Variants in MSRB3 observed in about 807,000 individuals in gnomAD.
MSRB3 encodes methionine-R-sulfoxide reductase B3.
MSRB3 carries 13 observed loss-of-function variants against 21.0 expected under a neutral mutation model. The observed-to-expected ratio is 0.62, with a 90% CI of 0.40 to 0.98. The LOEUF (loss-of-function observed/expected upper bound fraction) is 0.98. MSRB3 is among the 50% of genes least tolerant of loss of function. MSRB3 has a pLI of 0.00. For synonymous variants in MSRB3, 87 were observed against 88.6 expected, an observed-to-expected ratio of 0.98 and a Z score of 0.10; for missense variants, 199 against 230.3, an observed-to-expected ratio of 0.86 and a Z score of 0.88.
At position 65,463,241 on chromosome 12, in the gene MSRB3, T is replaced by TA. The variant is rs748562731; in HGVS notation, c.478dup (p.Thr160AsnfsTer5). The TA allele has an allele frequency of 6.2e-7, 1 of 1,614,208 alleles. No homozygotes were observed. Among genetic ancestry groups the TA allele is most frequent in the East Asian group, 2.2e-5 (1 of 44,882 alleles). On this transcript the variant is annotated frameshift_variant, in exon 7 of 7. Transcript: ENST00000308259. LOFTEE classifies it low-confidence loss of function (END_TRUNC). ...GCATAAATTCGGCTGCCTTGTCTTT[T>TA]ACACCTGCGGATAGCAGTGGCACCG...
intron 2 of MSRB3, among the ~76,000 whole-genome samples, chr12:65,310,244 A>G (rs1480351653): frequency 6.6e-6 from 1 of 152,144 alleles, no homozygotes; most frequent in Non-Finnish European, 1.5e-5. Flanking sequence ...ATCCCCCTGC[A>G]CTGCCACCAT....
At chr12:65,441,071 A>G (rs118062735) in intron 5 of MSRB3, among the ~76,000 whole-genome samples, 2,243 of 151,994 alleles carry the variant, frequency 0.015, 58 homozygotes, top group Non-Finnish European at 0.016. Context: ...GGTCCGGTGG[A>G]CACATTAAAT....
At chr12:65,396,845 A>G (rs901066492) in intron 5 of MSRB3, among the ~76,000 whole-genome samples, 3 of 152,178 alleles carry the variant, frequency 2.0e-5, no homozygotes, top group African/African-American at 7.2e-5. Context: ...CTGTCGTTGG[A>G]TAAAGTAGTC....
chr12:65,418,217 C>T (rs1824301271), intron 5 of MSRB3, among the ~76,000 whole-genome samples: 1 of 152,128 alleles, frequency 6.6e-6, no homozygotes. Flanking sequence ...TGATTCTCCT[C>T]CCTCAGCCTC....
chr12:65,341,116 T>G (rs1876110229), intron 4 of MSRB3, among the ~76,000 whole-genome samples: 1 of 152,114 alleles, frequency 6.6e-6, no homozygotes, highest in Non-Finnish European at 1.5e-5. Context: ...TCACATTTTA[T>G]TGCAGCACTG....
intron 1 of MSRB3, among the ~76,000 whole-genome samples, chr12:65,303,396 T>C (rs7309009): frequency 0.026 from 3,968 of 152,198 alleles, 184 homozygotes; most frequent in African/African-American, 0.091. Flanking sequence ...GAAGTAGAGA[T>C]TTTTGACCAA....
In MSRB3 at chr12:65,463,427, G is replaced by A. The variant is rs1436060490; in HGVS notation, c.*105G>A. The stretch of plus-strand genomic sequence containing the variant: ...TATTTTTTCAAAAACTATAAGGGCA[G>A]TTTTGTGCTATTGATATTTTTTCTT... On this transcript the variant is annotated 3_prime_UTR_variant, in exon 7 of 7. Transcript: ENST00000308259. 1.5e-6 allele frequency: 2 copies of A among 1,353,404 alleles called. No homozygotes were observed. The highest frequency in any genetic ancestry group is 2.0e-6 in the Non-Finnish European group (2 of 987,954). 83.8% of individuals were successfully genotyped at this position (1,353,404 alleles called of 1,614,324 possible). A position where few individuals can be genotyped will look rare whatever the true frequency, so the allele number is the denominator to read the frequency against.
chr12:65,326,114 C>G (rs1162422275), intron 2 of MSRB3, among the ~76,000 whole-genome samples: 3 of 152,170 alleles, frequency 2.0e-5, no homozygotes, highest in African/African-American at 4.8e-5. Flanking sequence ...GTTTTTCCCA[C>G]TCTTTCTTTG....
intron 5 of MSRB3, among the ~76,000 whole-genome samples, chr12:65,440,650 T>C (rs1470225179): frequency 1.3e-5 from 2 of 151,908 alleles, no homozygotes; most frequent in African/African-American, 4.8e-5. Context: ...GCTTCCAAAC[T>C]TTTGTGCCAC....
chr12:65,339,539 T>A (rs537088110), intron 4 of MSRB3, among the ~76,000 whole-genome samples: 2 of 152,358 alleles, frequency 1.3e-5, no homozygotes, highest in East Asian at 3.9e-4. Flanking sequence ...TGGGAAGAGA[T>A]GTTTGGTAAC....
chr12:65,452,084 C>T (rs929705551), intron 5 of MSRB3, among the ~76,000 whole-genome samples: 1 of 152,088 alleles, frequency 6.6e-6, no homozygotes, highest in Non-Finnish European at 1.5e-5. Flanking sequence ...TTTCTCCATA[C>T]CTATTTTGAA....
At chr12:65,352,683 G>T (rs1215072081) in intron 4 of MSRB3, among the ~76,000 whole-genome samples, 2 of 151,544 alleles carry the variant, frequency 1.3e-5, no homozygotes, top group Non-Finnish European at 2.9e-5. Flanking sequence ...GACAAACAGA[G>T]AGCCAAATTA....
At chr12:65,398,791 G>A (rs1879954441) in intron 5 of MSRB3, among the ~76,000 whole-genome samples, 1 of 152,130 alleles carries the variant, frequency 6.6e-6, no homozygotes, top group Admixed American at 6.5e-5. Context: ...TGTATAAGGT[G>A]TAAGGAAGGG....
intron 5 of MSRB3, among the ~76,000 whole-genome samples, chr12:65,436,230 A>G (rs542605547): frequency 6.6e-5 from 10 of 151,998 alleles, no homozygotes; most frequent in Non-Finnish European, 1.0e-4. Flanking sequence ...AGAAGTACCT[A>G]TAAGTTTGTC....
At chr12:65,314,468 A>T (rs1874170666) in intron 2 of MSRB3, among the ~76,000 whole-genome samples, 1 of 152,116 alleles carries the variant, frequency 6.6e-6, no homozygotes, top group Admixed American at 6.5e-5. Flanking sequence ...TTCTAAAACA[A>T]ACTGTTTTAG....
intron 1 of MSRB3, among the ~76,000 whole-genome samples, chr12:65,296,866 C>T (rs1427419029): frequency 6.6e-6 from 1 of 152,040 alleles, no homozygotes; most frequent in African/African-American, 2.4e-5. Context: ...GGAGGAAGAA[C>T]TGATTAATTT....
chr12:65,460,677 A>ATATATTTG (rs1324979820), intron 6 of MSRB3, among the ~76,000 whole-genome samples: 6 of 151,296 alleles, frequency 4.0e-5, no homozygotes, highest in Admixed American at 3.9e-4. Flanking sequence ...TCCTCAACCC[A>ATATATTTG]TATATTTGTT....
rs115819665 is a variant in MSRB3 at position 65,336,166 on chromosome 12, C to T, written c.263+7563C>T. ...ACTCAACTGAAAACTCAGAGAAAAACTACAGCTGGATTGGAAGAAAAGGAC... is the reference window on the plus strand; with the variant it reads ...ACTCAACTGAAAACTCAGAGAAAAATTACAGCTGGATTGGAAGAAAAGGAC... On this transcript the variant is annotated intron_variant, in intron 4 of 6. Coordinates refer to ENST00000308259, the MANE Select transcript of MSRB3 (RefSeq NM_001031679.3). 5.4e-3 allele frequency among the ~76,000 whole-genome samples: 818 copies of T among 152,230 alleles called. 11 individuals carry two copies. The highest frequency in any genetic ancestry group is 0.018 in the African/African-American group (759 of 41,538).
At chr12:65,282,352 A>T (rs1342373076) in intron 1 of MSRB3, among the ~76,000 whole-genome samples, 1 of 152,038 alleles carries the variant, frequency 6.6e-6, no homozygotes, top group Non-Finnish European at 1.5e-5. Flanking sequence ...ACAGTCCCTC[A>T]TCCATGTTCA....
Sources: allele counts gnomAD v4.1 joint callset (sites outside exome capture counted in the v4.1 genomes callset), GRCh38; gene constraint gnomAD v4.1.1; transcripts MANE v1.5; gene names NCBI Gene and HGNC (gene_info 2026-07-23, HGNC 2026-07-21).